PLOD1: variants seen among roughly 807,000 people sequenced by gnomAD.
PLOD1 encodes lysine hydroxylase.
PLOD1 carries 70 observed loss-of-function variants against 94.7 expected under a neutral mutation model. The ratio of observed to expected loss-of-function variants is 0.74; its 90% CI spans 0.61 to 0.90. The LOEUF is 0.90. Ranked by LOEUF, PLOD1 falls within the 40% of genes least tolerant of loss-of-function variation. The pLI is 0.00. For missense variants in PLOD1, 905 were observed against 972.7 expected (o/e 0.93, Z 0.93); for synonymous variants, 417 against 400.2 (o/e 1.04, Z -0.50).
rs1423332811 is a variant in PLOD1, at chr1:11,972,645, G to T, written c.1903-227G>T. Reference sequence around the variant, plus strand: ...TCCCTTCCTTTCTTCCTTCCCCTCTGTTCTCTTCCTTCCCTCCCTCTCTCC... The same window carrying T: ...TCCCTTCCTTTCTTCCTTCCCCTCTTTTCTCTTCCTTCCCTCCCTCTCTCC... On this transcript the variant is annotated intron_variant, in intron 17 of 18. Transcript: ENST00000196061. This position sits in a 1 kb window ranked among gnomAD's most constrained non-coding sequence, Gnocchi z 4.6. 1.7e-4 allele frequency: 73 copies of T among 437,632 alleles called. No individual in the cohort carries two copies. Among genetic ancestry groups the T allele is most frequent in the Non-Finnish European group, 2.3e-4 (56 of 240,108 alleles). 27.1% of individuals were successfully genotyped at this position (437,632 alleles called of 1,614,324 possible).
intron 6 of PLOD1, among the ~76,000 whole-genome samples, chr1:11,955,889 G>A (rs1361496361): frequency 6.6e-6 from 1 of 151,964 alleles, no homozygotes; most frequent in Non-Finnish European, 1.5e-5. Flanking sequence ...GCCTCCCAAA[G>A]TGCTGAGATT....
chr1:11,965,619 G>A (rs772579356), intron 14 of PLOD1, 26 bp downstream of exon 14: 14 of 1,411,706 alleles, frequency 9.9e-6, no homozygotes, highest in Non-Finnish European at 1.0e-5. Flanking sequence ...GCACATAGGG[G>A]CTGGGAGCAA....
At chr1:11,961,259 C>T (rs1291246783) in intron 10 of PLOD1, among the ~76,000 whole-genome samples, 1 of 152,100 alleles carries the variant, frequency 6.6e-6, no homozygotes, top group African/African-American at 2.4e-5. Flanking sequence ...GTGGCTTGAA[C>T]CTGGGGTCCC....
In PLOD1 at chr1:11,952,613, C is replaced by G. The variant is rs1645710802; in HGVS notation, c.467-10C>G. 2 of 1,608,882 alleles carry G rather than the reference C, an allele frequency of 1.2e-6. No individual in the cohort carries two copies. The highest frequency in any genetic ancestry group is 1.7e-6 in the Non-Finnish European group (2 of 1,175,300). Reference sequence around the variant, plus strand: ...GGTCCGTCTTGGTGTCCCCACCCACCAACCTTCAGGCTTCATCGGTTATGC... The same window carrying G: ...GGTCCGTCTTGGTGTCCCCACCCACGAACCTTCAGGCTTCATCGGTTATGC... On this transcript the variant is annotated splice_polypyrimidine_tract_variant and intron_variant, in intron 4 of 18. Transcript: ENST00000196061.
Position 11,964,027 on chromosome 1 carries a change from C to T in PLOD1, c.1203-148C>T, listed in dbSNP as rs562395400. ...ACCAGAAGAGCCAAACCCCCGACAC[C>T]CCGGCCAAGGCACTGCCTGTCTCAG... is the stretch of plus-strand genomic sequence containing the variant. On this transcript the variant is annotated intron_variant, in intron 11 of 18. Coordinates refer to ENST00000196061, the MANE Select transcript of PLOD1 (RefSeq NM_000302.4). The T allele has an allele frequency of 7.8e-5, 68 of 870,798 alleles. No homozygotes were observed. In the African/African-American group the frequency reaches 9.6e-4, roughly 12 times the overall value. 53.9% of individuals were successfully genotyped at this position (870,798 alleles called of 1,614,324 possible). A position where few individuals can be genotyped will look rare whatever the true frequency, so the allele number is the denominator to read the frequency against.
At chr1:11,969,292 T>C (rs1384784765) in intron 16 of PLOD1, among the ~76,000 whole-genome samples, 4 of 152,114 alleles carry the variant, frequency 2.6e-5, no homozygotes, top group Non-Finnish European at 5.9e-5. Context: ...CCTGGCCTCA[T>C]TTTCTAAGTT....
At chr1:11,938,229 GCCTGA>G (rs1645593127) in intron 1 of PLOD1, among the ~76,000 whole-genome samples, 1 of 152,108 alleles carries the variant, frequency 6.6e-6, no homozygotes, top group Non-Finnish European at 1.5e-5. Flanking sequence ...GGGATTACAG[GCCTGA>G]GCCACCACGC....
rs1206033058 is a variant in PLOD1 at position 11,963,740 on chromosome 1, C to T, written c.1202+104C>T. ...TCCTCCTCCTCATCCACCTCCTCTT[C>T]CTCCTCTTTTTCCTTCTCCTGCTCC... On this transcript the variant is annotated intron_variant, in intron 11 of 18. Coordinates refer to ENST00000196061, the MANE Select transcript of PLOD1 (RefSeq NM_000302.4). This position sits in a 1 kb window ranked among gnomAD's most constrained non-coding sequence, Gnocchi z 4.3. 1.4e-6 allele frequency: 1 copy of T among 737,026 alleles called. No homozygotes were observed. Among genetic ancestry groups the T allele is most frequent in the Non-Finnish European group, 2.4e-6 (1 of 409,070 alleles). 45.7% of individuals were successfully genotyped at this position (737,026 alleles called of 1,614,324 possible).
intron 2 of PLOD1, among the ~76,000 whole-genome samples, chr1:11,948,849 T>A (rs1348270511): frequency 3.3e-5 from 5 of 152,124 alleles, no homozygotes; most frequent in African/African-American, 1.2e-4. Flanking sequence ...GGGAGACGAG[T>A]ATCCTGAGTG....
rs1366304978 is a variant in PLOD1 at position 11,963,447 on chromosome 1, T to G, written c.1098-85T>G. On this transcript the variant is annotated intron_variant, in intron 10 of 18. Transcript: ENST00000196061. The surrounding 1 kb of genome is among the most constrained non-coding windows in gnomAD (Gnocchi z 4.3). ...CTAAAGCCCCTTGGCTGATATGTGG[T>G]GAAGCCAGACTGTGGTCACAGATGT... 3 of 881,368 alleles carry G rather than the reference T, an allele frequency of 3.4e-6. No individual in the cohort carries two copies. The highest frequency in any genetic ancestry group is 5.6e-6 in the Non-Finnish European group (3 of 535,708). 54.6% of individuals were successfully genotyped at this position (881,368 alleles called of 1,614,324 possible). A position where few individuals can be genotyped will look rare whatever the true frequency, so the allele number is the denominator to read the frequency against.
rs757095022 is a variant in PLOD1, at chr1:11,958,505, C to A, written c.844-11C>A. ...CACTGCTGGACTCTTGTGCCGCCCT[C>A]CCTGGTGCAGGATGAAGCTCTGCCC... On this transcript the variant is annotated splice_polypyrimidine_tract_variant and intron_variant, in intron 8 of 18. Transcript: ENST00000196061. This position sits in a 1 kb window ranked among gnomAD's most constrained non-coding sequence, Gnocchi z 4.3. 6.2e-7 allele frequency: 1 copy of A among 1,613,446 alleles called. No individual in the cohort carries two copies. Among genetic ancestry groups the A allele is most frequent in the Admixed American group, 1.7e-5 (1 of 59,934 alleles).
intron 1 of PLOD1, among the ~76,000 whole-genome samples, chr1:11,935,950 T>A (rs946704315): frequency 6.6e-6 from 1 of 151,982 alleles, no homozygotes; most frequent in Non-Finnish European, 1.5e-5. Context: ...TACCTCAGCC[T>A]CCCAGGTAGG....
In PLOD1 at chr1:11,949,442, CGG is replaced by C; in HGVS notation, c.169-330_169-329del. On this transcript the variant is annotated intron_variant, in intron 2 of 18. Transcript: ENST00000196061. ...TATTTCTTTTTCTCTTTTTTTGAGA[CGG>C]AGTGTTGCTCTGTCTCCCAGGCTGA... Among the ~76,000 whole-genome samples, 2 of 151,976 alleles carry C rather than the reference CGG, an allele frequency of 1.3e-5. 1 individual carries two copies. The highest frequency in any genetic ancestry group is 1.3e-4 in the Admixed American group (2 of 15,242).
intron 1 of PLOD1, among the ~76,000 whole-genome samples, chr1:11,945,406 CG>C (rs1553133251): frequency 3.4e-5 from 5 of 147,352 alleles, no homozygotes; most frequent in Non-Finnish European, 4.5e-5. Context: ...GCCTGGGCAA[CG>C]GGAGTGAGAT....
Position 11,952,719 on chromosome 1 carries a change from T to G in PLOD1, c.563T>G (p.Leu188Trp), listed in dbSNP as rs1645711960. 6.2e-7 allele frequency: 1 copy of G among 1,612,880 alleles called. No homozygotes were observed. The change falls in exon 5 of 19, where the codon TTG becomes TGG. Residue 188 changes from leucine to tryptophan, a missense_variant. By Grantham distance (61) the Leu-to-Trp change is moderately conservative (BLOSUM62 -2). Coordinates refer to ENST00000196061, the MANE Select transcript of PLOD1 (RefSeq NM_000302.4). Reference sequence around the variant, plus strand: ...CAGCTGTTTTACACCAAGATCTTCTTGGACCCGGAGAAGAGGGTAAGAGGC... The same window carrying G: ...CAGCTGTTTTACACCAAGATCTTCTGGGACCCGGAGAAGAGGGTAAGAGGC... The part of the protein sequence containing the change: ...SDQLFYTKIF[L>W]DPEKREQINI...
chr1:11,954,738 C>G, intron 5 of PLOD1, 92 bp from the exon 6 acceptor site: 1 of 993,648 alleles, frequency 1.0e-6, no homozygotes, highest in Non-Finnish European at 1.6e-6. Flanking sequence ...GAGGGCTGAA[C>G]TTGGGGACAG....
Position 11,964,309 on chromosome 1 carries a change from CTG to C in PLOD1, c.1328+10_1328+11del. 2 of 601,868 alleles carry C rather than the reference CTG, an allele frequency of 3.3e-6. No homozygotes were observed. Among genetic ancestry groups the C allele is most frequent in the East Asian group, 5.8e-5 (1 of 17,372 alleles). The allele number at this position is 601,868 out of a possible 1,614,324, so 37.3% of individuals were successfully genotyped here. A position where few individuals can be genotyped will look rare whatever the true frequency, so the allele number is the denominator to read the frequency against. On this transcript the variant is annotated intron_variant, in intron 12 of 18. Coordinates refer to ENST00000196061, the MANE Select transcript of PLOD1 (RefSeq NM_000302.4). ...GTGCAGGGGCGGCGTGTGTGAGTACCTGCAGGGTGGGGGTGGGTGGGGGACAC... is the reference window on the plus strand; with the variant it reads ...GTGCAGGGGCGGCGTGTGTGAGTACCCAGGGTGGGGGTGGGTGGGGGACAC...
At position 11,972,810 on chromosome 1, in the gene PLOD1, C is replaced by T. The variant is rs980596278; in HGVS notation, c.1903-62C>T. 2.5e-6 allele frequency: 4 copies of T among 1,603,780 alleles called. No homozygotes were observed. In the African/African-American group the frequency reaches 5.4e-5, roughly 21 times the overall value. On this transcript the variant is annotated intron_variant, in intron 17 of 18. Coordinates refer to ENST00000196061, the MANE Select transcript of PLOD1 (RefSeq NM_000302.4). This position sits in a 1 kb window ranked among gnomAD's most constrained non-coding sequence, Gnocchi z 4.6. The stretch of plus-strand genomic sequence containing the variant: ...CCAGGCCCCATGTGTGCACCCTCCT[C>T]TCCTGGCCTTTGTGTCCTCCTTAAC...
At chr1:11,966,124 G>A (rs1310712442) in intron 14 of PLOD1, 127 bp from the exon 15 acceptor site, 10 of 737,546 alleles carry the variant, frequency 1.4e-5, no homozygotes, top group Admixed American at 2.0e-5. Flanking sequence ...GCACCCAGTG[G>A]GTGCAGGTGA....
Sources: gnomAD v4.1 joint callset for allele counts (sites outside exome capture counted in the v4.1 genomes callset) on GRCh38, gnomAD v4.1.1 for gene constraint, Gnocchi (gnomAD v3.1) non-coding constraint, MANE v1.5 for transcripts, NCBI Gene and HGNC (gene_info 2026-07-23, HGNC 2026-07-21) for gene names.